Variants in ERC2 observed in about 807,000 individuals in gnomAD.
ERC2 encodes ERC protein 2.
ERC2 carries 42 observed loss-of-function variants against 114.8 expected under a neutral mutation model. The observed-to-expected ratio is 0.37, with a 90% CI of 0.29 to 0.47. The LOEUF is 0.47. Among genes scored for constraint, ERC2 ranks in the 20% least tolerant of loss-of-function variants. ERC2 has a pLI of 0.99. For synonymous variants in ERC2, 454 were observed against 425.5 expected, an observed-to-expected ratio of 1.07 and a Z score of -0.82; for missense variants, 939 against 1,150.7, an observed-to-expected ratio of 0.82 and a Z score of 2.66.
chr3:55,747,220 A>G (rs2066364571), intron 14 of ERC2, among the ~76,000 whole-genome samples: 1 of 152,194 alleles, frequency 6.6e-6, no homozygotes, highest in Non-Finnish European at 1.5e-5. Context: ...TCTAGTTTCA[A>G]ATAATTAGCT....
At chr3:55,671,896 C>T (rs1309753653) in intron 17 of ERC2, among the ~76,000 whole-genome samples, 1 of 152,182 alleles carries the variant, frequency 6.6e-6, no homozygotes, top group Non-Finnish European at 1.5e-5. Context: ...GCAATAAGCA[C>T]AGCAAACGCT....
At chr3:55,772,913 C>T (rs572041767) in intron 14 of ERC2, among the ~76,000 whole-genome samples, 2 of 152,298 alleles carry the variant, frequency 1.3e-5, no homozygotes, top group South Asian at 4.1e-4. Flanking sequence ...TTCCTGTTGG[C>T]CCTACCTTCA....
intron 15 of ERC2, among the ~76,000 whole-genome samples, chr3:55,733,121 G>A (rs1410449662): frequency 6.6e-6 from 1 of 152,156 alleles, no homozygotes; most frequent in Non-Finnish European, 1.5e-5. Context: ...ATAAACCTGT[G>A]GGAGAAAGCT....
intron 14 of ERC2, among the ~76,000 whole-genome samples, chr3:55,887,014 C>A (rs1057496705): frequency 5.3e-5 from 8 of 152,212 alleles, no homozygotes; most frequent in Non-Finnish European, 1.0e-4. Context: ...CTCTTGTCTG[C>A]ATAATGACTA....
intron 17 of ERC2, among the ~76,000 whole-genome samples, chr3:55,570,448 G>T (rs905730758): frequency 6.6e-6 from 1 of 152,160 alleles, no homozygotes; most frequent in Admixed American, 6.5e-5. Context: ...AAAGTAACCT[G>T]ACGAGATAAT....
chr3:55,827,644 G>T (rs892121088), intron 14 of ERC2, among the ~76,000 whole-genome samples: 4 of 152,168 alleles, frequency 2.6e-5, no homozygotes, highest in Admixed American at 6.6e-5. Flanking sequence ...TGTAAATCAA[G>T]TTGTTGTTTG....
chr3:55,598,421 A>T (rs1488390147), intron 17 of ERC2, among the ~76,000 whole-genome samples: 1 of 152,254 alleles, frequency 6.6e-6, no homozygotes, highest in Non-Finnish European at 1.5e-5. Flanking sequence ...AAATGCTCAT[A>T]ACATTAGTGC....
intron 17 of ERC2, among the ~76,000 whole-genome samples, chr3:55,614,529 A>AT (rs1432409761): frequency 1.1e-4 from 16 of 152,168 alleles, no homozygotes; most frequent in East Asian, 7.7e-4. Flanking sequence ...AACTACCCAT[A>AT]TTTTTTCTGA....
At chr3:56,015,724 G>C (rs1361248506) in intron 8 of ERC2, among the ~76,000 whole-genome samples, 1 of 152,188 alleles carries the variant, frequency 6.6e-6, no homozygotes. Context: ...TATATACCCA[G>C]TAATGGGATT....
intron 2 of ERC2, among the ~76,000 whole-genome samples, chr3:56,422,554 G>T (rs548260478): frequency 6.6e-6 from 1 of 151,990 alleles, no homozygotes; most frequent in Non-Finnish European, 1.5e-5. Flanking sequence ...TTCCTTCTTC[G>T]TTCTTGCTCT....
intron 2 of ERC2, among the ~76,000 whole-genome samples, chr3:56,384,759 A>G (rs959908849): frequency 6.6e-6 from 1 of 152,138 alleles, no homozygotes; most frequent in African/African-American, 2.4e-5. Flanking sequence ...TGTCCTACCT[A>G]AGATATCACT....
intron 1 of ERC2, among the ~76,000 whole-genome samples, chr3:56,455,273 A>T (rs775014544): frequency 6.6e-6 from 1 of 152,162 alleles, no homozygotes; most frequent in East Asian, 1.9e-4. Context: ...AAAAGAAAAA[A>T]AAACAACTGA....
intron 3 of ERC2, among the ~76,000 whole-genome samples, chr3:56,224,251 C>T (rs1313902316): frequency 6.6e-6 from 1 of 152,172 alleles, no homozygotes; most frequent in Non-Finnish European, 1.5e-5. Context: ...AATCCCACTA[C>T]TAGGAATTTG....
intron 7 of ERC2, among the ~76,000 whole-genome samples, chr3:56,051,284 A>T (rs114138211): frequency 0.13 from 20,414 of 152,168 alleles, 1,442 homozygotes; most frequent in East Asian, 0.16. Context: ...CAGCAGATTA[A>T]GATGGTTTTA....
At chr3:56,446,857 C>T (rs571585404) in intron 1 of ERC2, among the ~76,000 whole-genome samples, 4 of 151,738 alleles carry the variant, frequency 2.6e-5, no homozygotes, top group Admixed American at 2.6e-4. Context: ...GAACTCCTGA[C>T]CTCAAGTGAT....
intron 17 of ERC2, among the ~76,000 whole-genome samples, chr3:55,581,489 A>G (rs2057258414): frequency 1.3e-5 from 2 of 152,124 alleles, no homozygotes; most frequent in South Asian, 4.1e-4. Flanking sequence ...AGAAGTCTGC[A>G]TGCACAGGTA....
chr3:55,718,692 CCATGCT>C (rs1404617280), intron 15 of ERC2, among the ~76,000 whole-genome samples: 1 of 152,170 alleles, frequency 6.6e-6, no homozygotes, highest in Non-Finnish European at 1.5e-5. Flanking sequence ...CAGACTCTCT[CCATGCT>C]CAGCGGAGTT....
intron 16 of ERC2, among the ~76,000 whole-genome samples, chr3:55,691,101 G>C (rs573235213): frequency 1.3e-5 from 2 of 152,262 alleles, no homozygotes; most frequent in East Asian, 3.9e-4. Context: ...TTAAAAACAA[G>C]CAAACAAATA....
chr3:55,801,479 G>A (rs1253335308), intron 14 of ERC2, among the ~76,000 whole-genome samples: 3 of 152,132 alleles, frequency 2.0e-5, no homozygotes, highest in Non-Finnish European at 4.4e-5. Context: ...AGAGCCAAAG[G>A]TTTGTCTAAA....
Sources: gnomAD v4.1 joint callset for allele counts (sites outside exome capture counted in the v4.1 genomes callset) on GRCh38, gnomAD v4.1.1 for gene constraint, MANE v1.5 for transcripts, NCBI Gene and HGNC (gene_info 2026-07-23, HGNC 2026-07-21) for gene names.